Variants in USP36 observed in about 807,000 individuals in gnomAD.
The protein encoded by USP36 is ubiquitin specific peptidase 36, also known as ubiquitin carboxyl-terminal hydrolase 36.
USP36 carries 59 observed loss-of-function variants against 111.5 expected under a neutral mutation model. That is an observed-to-expected ratio of 0.53 (90% CI 0.43 to 0.66). The LOEUF (loss-of-function observed/expected upper bound fraction) is 0.66, where lower values mean the gene tolerates loss of function less well. USP36 is among the 30% of genes least tolerant of loss of function. USP36 has a pLI of 0.00. For synonymous variants in USP36, 628 were observed against 581.0 expected, an observed-to-expected ratio of 1.08 and a Z score of -1.16; for missense variants, 1,488 against 1,468.0, an observed-to-expected ratio of 1.01 and a Z score of -0.22.
In USP36 at chr17:78,827,329, CG is replaced by C; in HGVS notation, c.604del (p.Arg202AlafsTer24). ...ATGCGCGTCCTCCTGGTTCCCAAAG[CG>C]GAAGTGTCGGGCGATCTCTAAAAGA... Reference protein sequence around the residue: ...RDLKKIARHFRFGNQEDAHEF... With the variant: ...RDLKKIARHFXFGNQEDAHEF... On this transcript the variant is annotated frameshift_variant, in exon 6 of 21. Coordinates refer to ENST00000449938, the MANE Select transcript of USP36 (RefSeq NM_001385174.1). LOFTEE classifies it high-confidence loss of function. The C allele has an allele frequency of 6.2e-7, 1 of 1,612,556 alleles. No individual in the cohort carries two copies. Among genetic ancestry groups the C allele is most frequent in the Non-Finnish European group, 8.5e-7 (1 of 1,178,848 alleles).
rs112053931 is a variant in USP36 at position 78,837,115 on chromosome 17, T to C, written c.-9-743A>G. 6.1e-3 allele frequency among the ~76,000 whole-genome samples: 936 copies of C among 152,322 alleles called. 7 individuals are homozygous for C. Among genetic ancestry groups the C allele is most frequent in the African/African-American group, 0.02 (844 of 41,554 alleles). On this transcript the variant is annotated intron_variant, in intron 2 of 20. Coordinates refer to ENST00000449938, the MANE Select transcript of USP36 (RefSeq NM_001385174.1). ...TTTATATATATTGAGTTAAATAAAT[T>C]ATGAAAATGAATTTCACCTGCTTCT...
rs559826409 is a variant in USP36, at chr17:78,815,925, TACAC to T, written c.1024-1377_1024-1374del. ...GCACGCACACATGCATACGCACACATACACACACATATACACACATGCATGCACA... is the reference window on the plus strand; with the variant it reads ...GCACGCACACATGCATACGCACACATACACATATACACACATGCATGCACA... On this transcript the variant is annotated intron_variant, in intron 10 of 20. Transcript: ENST00000449938. Among the ~76,000 whole-genome samples, 868 of 151,848 alleles carry T rather than the reference TACAC, an allele frequency of 5.7e-3. 15 individuals carry two copies. Among genetic ancestry groups the T allele is most frequent in the African/African-American group, 0.02 (823 of 41,390 alleles).
chr17:78,813,056 G>A (rs2094105452), intron 12 of USP36, 55 bp from the exon 13 acceptor site: 2 of 1,607,304 alleles, frequency 1.2e-6, no homozygotes, highest in Non-Finnish European at 8.5e-7. Flanking sequence ...TACAGAAACG[G>A]AGAGAATTAG....
At chr17:78,835,733 TAGATGGAGG>T (rs2068603313) in intron 3 of USP36, among the ~76,000 whole-genome samples, 1 of 152,054 alleles carries the variant, frequency 6.6e-6, no homozygotes, top group Non-Finnish European at 1.5e-5. Context: ...GGCCCCTCTA[TAGATGGAGG>T]ACACAGCTCA....
chr17:78,835,743 A>ACACAGCT (rs2068604097), intron 3 of USP36, among the ~76,000 whole-genome samples: 1 of 152,056 alleles, frequency 6.6e-6, no homozygotes, highest in African/African-American at 2.4e-5. Context: ...TAGATGGAGG[A>ACACAGCT]CACAGCTCAG....
chr17:78,836,076 G>A, intron 3 of USP36, 35 bp downstream of exon 3: 2 of 1,603,210 alleles, frequency 1.2e-6, no homozygotes, highest in South Asian at 2.2e-5. Context: ...ACCCCGGAGT[G>A]AGGGCCTCTC....
chr17:78,802,310 C>T lies in USP36; in HGVS notation c.3022+14G>A, dbSNP rs376077589. 3.5e-5 allele frequency: 55 copies of T among 1,553,736 alleles called. No individual in the cohort carries two copies. In the African/African-American group the frequency reaches 6.0e-4, roughly 17 times the overall value. ...CACACCCATGCGGTTCCCACCCCCT[C>T]GCCCGGTGCATACCCATGCGGTCCC... On this transcript the variant is annotated intron_variant, in intron 17 of 20. Transcript: ENST00000449938.
At position 78,828,948 on chromosome 17, in the gene USP36, C is replaced by T. The variant is rs201774114; in HGVS notation, c.535G>A (p.Ala179Thr). ...VMQNHIVQAF[A>T]NSGNAIKPVS... ...GGCTTGATGGCGTTGCCGCTGTTGGCGAAGGCCTGGACAATGTGGTTCTGC... is the reference window on the plus strand; with the variant it reads ...GGCTTGATGGCGTTGCCGCTGTTGGTGAAGGCCTGGACAATGTGGTTCTGC... Residue 179 changes from alanine (A) to threonine (T), a missense_variant, in exon 5 of 21, where the codon GCC (alanine) becomes ACC (threonine). Transcript: ENST00000449938. 14 of 1,614,110 alleles carry T rather than the reference C, an allele frequency of 8.7e-6. No individual in the cohort carries two copies. The highest frequency in any genetic ancestry group is 6.7e-5 in the African/African-American group (5 of 75,034).
In USP36 at chr17:78,803,645, C is replaced by A. The variant is rs749013403; in HGVS notation, c.2550G>T (p.Lys850Asn). 1 of 1,609,026 alleles carries A rather than the reference C, an allele frequency of 6.2e-7. No individual in the cohort carries two copies. Among genetic ancestry groups the A allele is most frequent in the Non-Finnish European group, 8.5e-7 (1 of 1,178,398 alleles). The part of the protein sequence containing the change: ...PHGKRKRKKK[K>N]RPEDTAASAL... ...CGCTGGCAGCTGTGTCCTCCGGGCGCTTCTTCTTCTTCCTCTTCCTCTTCC... is the reference window on the plus strand; with the variant it reads ...CGCTGGCAGCTGTGTCCTCCGGGCGATTCTTCTTCTTCCTCTTCCTCTTCC... Residue 850 changes from lysine (K) to asparagine (N), a missense_variant, in exon 16 of 21, where the codon AAG becomes AAT. Transcript: ENST00000449938. This position sits in a 1 kb window ranked among gnomAD's most constrained non-coding sequence, Gnocchi z 4.6.
chr17:78,833,948 A>G (rs1007821715), intron 4 of USP36, among the ~76,000 whole-genome samples: 2 of 152,108 alleles, frequency 1.3e-5, no homozygotes, highest in African/African-American at 2.4e-5. Context: ...TTGTTTCTTA[A>G]AAGTTACATA....
At chr17:78,808,426 AT>A (rs2145149734) in intron 13 of USP36, among the ~76,000 whole-genome samples, 1 of 152,132 alleles carries the variant, frequency 6.6e-6, no homozygotes, top group East Asian at 1.9e-4. Flanking sequence ...AATTATTACT[AT>A]TTTGTAGAGA....
intron 1 of USP36, among the ~76,000 whole-genome samples, chr17:78,840,159 A>G (rs968349515): frequency 1.3e-5 from 2 of 152,064 alleles, no homozygotes; most frequent in Non-Finnish European, 2.9e-5. Context: ...GGCGAGCGTT[A>G]CGTAAACGGG....
chr17:78,806,193 G>A lies in USP36; in HGVS notation c.2179C>T (p.Pro727Ser). ...ACGGGCCAAGTGGAGGCAACGACGG[G>A]GTGAGAGGTTTTCATGGGGTGGGTG... is the stretch of plus-strand genomic sequence containing the variant. ...DLTHPMKTSH[P>S]VVASTWPVHR... Residue 727 changes from proline (P) to serine (S), a missense_variant, in exon 15 of 21, where the codon CCC becomes TCC. Pro to Ser is a moderately conservative substitution (Grantham distance 74, BLOSUM62 -1). Around this residue, in one of 3 missense-constraint regions of USP36, gnomAD observed 1,073 missense variants for 994.1 expected, o/e 1.08. Coordinates refer to ENST00000449938, the MANE Select transcript of USP36 (RefSeq NM_001385174.1). 2 of 1,613,576 alleles carry A rather than the reference G, an allele frequency of 1.2e-6. No homozygotes were observed. Among genetic ancestry groups the A allele is most frequent in the Non-Finnish European group, 1.7e-6 (2 of 1,179,952 alleles).
At position 78,798,920 on chromosome 17, in the gene USP36, A is replaced by G. The variant is rs758604956; in HGVS notation, c.3228T>C (p.Phe1076=). ...TCACACATCATACCTTCCCTCGGTC[A>G]AACTCTTCGTCCCAGTCATCAACCA... ...ETVVDDWDEE[F]DRGKEKKIKK... is the part of the protein sequence containing the mutation. Residue 1076 remains phenylalanine, a synonymous_variant, in exon 19 of 21, where the codon TTT becomes TTC. Coordinates refer to ENST00000449938, the MANE Select transcript of USP36 (RefSeq NM_001385174.1). The surrounding 1 kb of genome is among the most constrained non-coding windows in gnomAD (Gnocchi z 5.1). 1 of 1,614,078 alleles carries G rather than the reference A, an allele frequency of 6.2e-7. No homozygotes were observed. The highest frequency in any genetic ancestry group is 8.5e-7 in the Non-Finnish European group (1 of 1,180,030).
chr17:78,804,615 C>A (rs573324635), intron 15 of USP36, among the ~76,000 whole-genome samples: 2 of 123,546 alleles, frequency 1.6e-5, no homozygotes, highest in Non-Finnish European at 3.3e-5. Context: ...AATAACTGAT[C>A]CCTGAGATTT....
At position 78,835,280 on chromosome 17, in the gene USP36, A is replaced by G. The variant is rs1644658981; in HGVS notation, c.475T>C (p.Cys159Arg). The G allele has an allele frequency of 3.1e-6, 5 of 1,613,818 alleles. No homozygotes were observed. The highest frequency in any genetic ancestry group is 4.2e-6 in the Non-Finnish European group (5 of 1,179,962). The part of the protein sequence containing the change: ...YLLSKEHARS[C>R]HQGSFCMLCV... ...CCCACTGCTGCAAACCCACACTCAC[A>G]GCTGCGAGCATGCTCCTTGGAGAGC... is the stretch of plus-strand genomic sequence containing the variant. Residue 159 changes from cysteine to arginine, a missense_variant and splice_region_variant, in exon 4 of 21, where the codon TGC (cysteine) becomes CGC (arginine). Coordinates refer to ENST00000449938, the MANE Select transcript of USP36 (RefSeq NM_001385174.1).
At chr17:78,808,768 C>T (rs940159986) in intron 13 of USP36, among the ~76,000 whole-genome samples, 1 of 152,084 alleles carries the variant, frequency 6.6e-6, no homozygotes, top group Non-Finnish European at 1.5e-5. Context: ...CAGCCTTCCC[C>T]TGCTTGACCA....
chr17:78,820,216 T>C (rs1395848016), intron 8 of USP36, among the ~76,000 whole-genome samples: 1 of 152,216 alleles, frequency 6.6e-6, no homozygotes, highest in African/African-American at 2.4e-5. Flanking sequence ...GGCTCACGCC[T>C]ATAATCCCAG....
downstream of USP36, among the ~76,000 whole-genome samples, chr17:78,795,269 TG>T (rs2093613287): frequency 6.6e-6 from 1 of 152,208 alleles, no homozygotes; most frequent in African/African-American, 2.4e-5. This position sits in a 1 kb window ranked among gnomAD's most constrained non-coding sequence, Gnocchi z 4.5. Context: ...GTCCTCATTT[TG>T]GGGTGTCCAG....
Sources: allele counts gnomAD v4.1 joint callset (sites outside exome capture counted in the v4.1 genomes callset), GRCh38; gene constraint gnomAD v4.1.1; regional missense constraint gnomAD v4.1.1; non-coding constraint Gnocchi (gnomAD v3.1); transcripts MANE v1.5; gene names NCBI Gene and HGNC (gene_info 2026-07-23, HGNC 2026-07-21).